Variants in KATNIP observed in about 807,000 individuals in gnomAD.
KATNIP encodes the protein katanin-interacting protein.
Under a neutral mutation model 174.0 loss-of-function variants are expected in KATNIP, and 126 were observed. The ratio of observed to expected loss-of-function variants is 0.72; its 90% CI spans 0.63 to 0.84. KATNIP has a LOEUF of 0.84. Among genes scored for constraint, KATNIP ranks in the 40% least tolerant of loss-of-function variants. The probability of loss-of-function intolerance (pLI) is 0.00; values close to 1 mark genes in which losing one functional copy is unlikely to be tolerated. For missense variants in KATNIP, 1,958 were observed against 2,109.7 expected (o/e 0.93, Z 1.41); for synonymous variants, 810 against 835.7 (o/e 0.97, Z 0.53).
chr16:27,592,850 C>T (rs1429755889), intron 2 of KATNIP, among the ~76,000 whole-genome samples: 1 of 152,142 alleles, frequency 6.6e-6, no homozygotes, highest in East Asian at 1.9e-4. Flanking sequence ...CCACTGCGCC[C>T]AGCTTATTAT....
chr16:27,674,738 A>G (rs2078049428), intron 6 of KATNIP, among the ~76,000 whole-genome samples: 1 of 152,184 alleles, frequency 6.6e-6, no homozygotes, highest in African/African-American at 2.4e-5. Flanking sequence ...TAGGATATGG[A>G]CATCTTTGGG....
At chr16:27,552,131 A>G (rs2089405322) in intron 1 of KATNIP, among the ~76,000 whole-genome samples, 2 of 152,210 alleles carry the variant, frequency 1.3e-5, no homozygotes, top group Admixed American at 1.3e-4. Context: ...AATTAATAGG[A>G]AGAGTAGCAT....
At chr16:27,717,833 A>T (rs2080026750) in intron 13 of KATNIP, among the ~76,000 whole-genome samples, 2 of 151,916 alleles carry the variant, frequency 1.3e-5, no homozygotes, top group African/African-American at 4.8e-5. Flanking sequence ...CACTCAACCA[A>T]CATTGGGAGT....
At chr16:27,723,034 G>A (rs981834424) in intron 14 of KATNIP, among the ~76,000 whole-genome samples, 1 of 152,202 alleles carries the variant, frequency 6.6e-6, no homozygotes, top group Admixed American at 6.5e-5. Context: ...CCTAAGCTGT[G>A]ATGGCAAAGG....
chr16:27,575,851 A>T (rs2090478181), intron 2 of KATNIP, among the ~76,000 whole-genome samples: 1 of 152,208 alleles, frequency 6.6e-6, no homozygotes, highest in South Asian at 2.1e-4. Context: ...AGTGTCGCCC[A>T]AGTGGGCAGT....
intron 11 of KATNIP, among the ~76,000 whole-genome samples, chr16:27,702,767 A>G (rs574798211): frequency 6.6e-6 from 1 of 152,344 alleles, no homozygotes. Flanking sequence ...AAAACTGAAT[A>G]GGCTAAAGGC....
rs1425562766 is a variant in KATNIP, at chr16:27,552,730, C to T, written c.7+2553C>T. On this transcript the variant is annotated intron_variant, in intron 1 of 27. Transcript: ENST00000261588. ...TTTTTTGAGACGGGAGTTTTGCCGT[C>T]GTTGCCCAGGCTGGAGTGCAATGGC... Among the ~76,000 whole-genome samples, 25 of 102,918 alleles carry T rather than the reference C, an allele frequency of 2.4e-4. No individual in the cohort carries two copies. The South Asian group carries it at 4.9e-3, about 20-fold the overall frequency. 67.5% of individuals were successfully genotyped at this position (102,918 alleles called of 152,430 possible).
chr16:27,720,551 C>T (rs1410453673), intron 13 of KATNIP, among the ~76,000 whole-genome samples: 1 of 136,078 alleles, frequency 7.3e-6, no homozygotes, highest in Non-Finnish European at 1.5e-5. Flanking sequence ...ATGCTAAAAG[C>T]CTAGGATTCT....
chr16:27,715,079 T>C (rs184940215), intron 13 of KATNIP, among the ~76,000 whole-genome samples: 2 of 152,360 alleles, frequency 1.3e-5, no homozygotes, highest in Non-Finnish European at 2.9e-5. Flanking sequence ...TGCATGGTAC[T>C]GGCATAGGAT....
chr16:27,704,138 G>C, intron 12 of KATNIP, 140 bp downstream of exon 12: 1 of 662,158 alleles, frequency 1.5e-6, no homozygotes, highest in Non-Finnish European at 2.7e-6. Flanking sequence ...CCCCTCCCTG[G>C]CACACAGAGG....
At chr16:27,619,936 G>A (rs1022673649) in intron 3 of KATNIP, among the ~76,000 whole-genome samples, 1 of 152,190 alleles carries the variant, frequency 6.6e-6, no homozygotes, top group Non-Finnish European at 1.5e-5. Flanking sequence ...CACAGAGCAG[G>A]ATGTTTTTAT....
intron 1 of KATNIP, among the ~76,000 whole-genome samples, chr16:27,566,497 C>T (rs2090094658): frequency 6.6e-6 from 1 of 151,550 alleles, no homozygotes; most frequent in Non-Finnish European, 1.5e-5. Context: ...GATTGTGCCA[C>T]TGCACTCCAG....
At chr16:27,565,593 G>A (rs966769750) in intron 1 of KATNIP, among the ~76,000 whole-genome samples, 6 of 151,996 alleles carry the variant, frequency 3.9e-5, no homozygotes, top group Non-Finnish European at 2.9e-5. Flanking sequence ...TGAGCCCAGC[G>A]TGGGCAACAT....
chr16:27,698,637 A>G, intron 9 of KATNIP, 137 bp downstream of exon 9: 1 of 835,520 alleles, frequency 1.2e-6, no homozygotes, highest in South Asian at 2.5e-5. Flanking sequence ...CCGTGTTTCC[A>G]CTGTTCAGAC....
chr16:27,630,987 A>G, intron 4 of KATNIP, 78 bp from the exon 5 acceptor site: 1 of 1,117,720 alleles, frequency 8.9e-7, no homozygotes, highest in Non-Finnish European at 1.3e-6. Flanking sequence ...CATTTTAGAC[A>G]TGAGTTACAA....
rs1037372205 is a variant in KATNIP at position 27,778,755 on chromosome 16, G to C, written c.*126G>C. The C allele has an allele frequency of 1.1e-6, 1 of 876,862 alleles. No individual in the cohort carries two copies. Among genetic ancestry groups the C allele is most frequent in the African/African-American group, 1.7e-5 (1 of 58,898 alleles). The allele number at this position is 876,862 out of a possible 1,614,324, so 54.3% of individuals were successfully genotyped here. On this transcript the variant is annotated 3_prime_UTR_variant, in exon 28 of 28. Coordinates refer to ENST00000261588, the MANE Select transcript of KATNIP (RefSeq NM_015202.5). ...CGAACCACAGTGTTGAGGGGAGCCC[G>C]CTGGGAAGAGGGGACTCGGGAGGAC...
Position 27,648,637 on chromosome 16 carries a change from C to G in KATNIP, c.442C>G (p.Arg148Gly). 1 of 1,614,188 alleles carries G rather than the reference C, an allele frequency of 6.2e-7. No individual in the cohort carries two copies. The highest frequency in any genetic ancestry group is 8.5e-7 in the Non-Finnish European group (1 of 1,180,020). The change falls in exon 6 of 28, where the codon CGG becomes GGG. Residue 148 changes from arginine to glycine, a missense_variant. Transcript: ENST00000261588. ...SVQIRTEAGPRLHIEPPVDYS... is the reference protein window; with the variant it reads ...SVQIRTEAGPGLHIEPPVDYS... ...GCAGATCAGAACAGAAGCTGGCCCA[C>G]GGCTCCACATCGAACCTCCTGTGGA...
intron 1 of KATNIP, among the ~76,000 whole-genome samples, chr16:27,572,703 C>T (rs1309528247): frequency 6.6e-6 from 1 of 152,066 alleles, no homozygotes; most frequent in Admixed American, 6.6e-5. Context: ...ACTGGGTGGA[C>T]AGAGGGGAGA....
chr16:27,606,545 C>G (rs1325323737), intron 2 of KATNIP, among the ~76,000 whole-genome samples: 1 of 151,724 alleles, frequency 6.6e-6, no homozygotes, highest in Non-Finnish European at 1.5e-5. Flanking sequence ...ACACTTCAAA[C>G]TGGCCCAAGG....
Sources: allele counts gnomAD v4.1 joint callset (sites outside exome capture counted in the v4.1 genomes callset), GRCh38; gene constraint gnomAD v4.1.1; transcripts MANE v1.5; gene names NCBI Gene and HGNC (gene_info 2026-07-23, HGNC 2026-07-21).